Variants in CHODL observed in about 807,000 individuals in gnomAD.
CHODL encodes the protein transmembrane protein MT75.
Under a neutral mutation model 34.5 loss-of-function variants are expected in CHODL, and 29 were observed. That is an observed-to-expected ratio of 0.84 (90% CI 0.63 to 1.15). CHODL has a LOEUF of 1.15. Among genes scored for constraint, CHODL ranks in the 50% most tolerant of loss-of-function variants. The pLI, the probability that CHODL is intolerant of heterozygous loss-of-function variation, is 0.00. For synonymous variants in CHODL, 125 were observed against 116.1 expected (o/e 1.08, Z -0.49); for missense variants, 332 against 332.5 (o/e 1.00, Z 0.01).
intron 1 of CHODL, among the ~76,000 whole-genome samples, chr21:17,935,417 A>G (rs2063311269): frequency 6.6e-6 from 1 of 152,178 alleles, no homozygotes; most frequent in Non-Finnish European, 1.5e-5. Context: ...TCTTAACCAC[A>G]TATACCTTCC....
chr21:18,252,919 G>T (rs1772949383), intron 1 of CHODL, among the ~76,000 whole-genome samples: 1 of 152,056 alleles, frequency 6.6e-6, no homozygotes, highest in African/African-American at 2.4e-5. Context: ...CAGAGACACA[G>T]CCTGGCACAG....
intron 2 of CHODL, among the ~76,000 whole-genome samples, chr21:18,034,111 G>C (rs918843480): frequency 2.6e-5 from 4 of 151,920 alleles, no homozygotes; most frequent in Non-Finnish European, 1.5e-5. Flanking sequence ...TATTATGACT[G>C]TGCTTTATTC....
At chr21:18,260,341 G>C (rs781696396) in intron 4 of CHODL, 55 bp downstream of exon 4, 2 of 1,126,466 alleles carry the variant, frequency 1.8e-6, no homozygotes, top group African/African-American at 3.2e-5. Context: ...ACTTTCAAAC[G>C]CTGCTTCATG....
intron 2 of CHODL, among the ~76,000 whole-genome samples, chr21:18,138,363 T>TATTA (rs1466078620): frequency 6.6e-6 from 1 of 152,206 alleles, no homozygotes; most frequent in African/African-American, 2.4e-5. Context: ...CACTCCAGTT[T>TATTA]ATTATTTTCA....
At chr21:18,131,671 C>T (rs572342802) in intron 2 of CHODL, among the ~76,000 whole-genome samples, 2 of 152,174 alleles carry the variant, frequency 1.3e-5, no homozygotes, top group Admixed American at 1.3e-4. Context: ...ACCACAGTCC[C>T]TATATCATTC....
At chr21:17,948,599 A>T (rs2063431645) in intron 1 of CHODL, among the ~76,000 whole-genome samples, 1 of 152,128 alleles carries the variant, frequency 6.6e-6, no homozygotes, top group African/African-American at 2.4e-5. Context: ...AGAAATATAA[A>T]GGATCATAGG....
intron 1 of CHODL, among the ~76,000 whole-genome samples, chr21:17,936,046 A>T (rs1173425954): frequency 7.1e-6 from 1 of 141,684 alleles, no homozygotes; most frequent in Non-Finnish European, 1.5e-5. Flanking sequence ...GTGAAGAAAC[A>T]TGAAGCAGAG....
At chr21:18,170,156 G>A (rs780144239) in intron 2 of CHODL, among the ~76,000 whole-genome samples, 12 of 151,786 alleles carry the variant, frequency 7.9e-5, no homozygotes, top group Non-Finnish European at 1.5e-4. Context: ...CTGATGGAAC[G>A]ACTCCTTTAC....
intron 2 of CHODL, among the ~76,000 whole-genome samples, chr21:18,066,454 A>G (rs1043731498): frequency 6.6e-5 from 10 of 152,210 alleles, no homozygotes; most frequent in African/African-American, 2.4e-4. Flanking sequence ...ATAAATGGCT[A>G]GTGAGAGATC....
chr21:18,031,578 A>C (rs1211555525), intron 2 of CHODL, among the ~76,000 whole-genome samples: 1 of 152,038 alleles, frequency 6.6e-6, no homozygotes, highest in Non-Finnish European at 1.5e-5. Flanking sequence ...TGCCATTGGA[A>C]AGGGGCTTTG....
At chr21:18,234,705 A>AG (rs2074013349) in intron 2 of CHODL, among the ~76,000 whole-genome samples, 1 of 152,076 alleles carries the variant, frequency 6.6e-6, no homozygotes, top group South Asian at 2.1e-4. Context: ...GAACATAAGA[A>AG]GGGGGTAGAA....
intron 1 of CHODL, among the ~76,000 whole-genome samples, chr21:18,246,511 A>G (rs192029206): frequency 4.6e-5 from 7 of 152,298 alleles, no homozygotes; most frequent in Non-Finnish European, 8.8e-5. Flanking sequence ...GTAGTTACCG[A>G]TCACTCTACA....
intron 2 of CHODL, among the ~76,000 whole-genome samples, chr21:18,169,294 T>C (rs2073197414): frequency 6.6e-6 from 1 of 152,126 alleles, no homozygotes; most frequent in African/African-American, 2.4e-5. Context: ...AATTCATTAA[T>C]ATATAATTGT....
intron 1 of CHODL, among the ~76,000 whole-genome samples, chr21:18,252,955 G>C (rs2074275573): frequency 6.6e-6 from 1 of 152,076 alleles, no homozygotes; most frequent in Non-Finnish European, 1.5e-5. Context: ...CTATCGTCCA[G>C]GGTCTGGACA....
At chr21:17,978,294 T>G (rs894469105) in intron 1 of CHODL, among the ~76,000 whole-genome samples, 1 of 150,070 alleles carries the variant, frequency 6.7e-6, no homozygotes, top group Non-Finnish European at 1.5e-5. Context: ...TGGTGGCGCA[T>G]GCCTGTAGTC....
intron 2 of CHODL, among the ~76,000 whole-genome samples, chr21:18,221,211 G>T (rs1047091800): frequency 1.4e-4 from 21 of 151,976 alleles, no homozygotes; most frequent in Admixed American, 6.5e-4. Flanking sequence ...TTTGTTTGTT[G>T]AATTCTACAG....
chr21:18,147,650 T>G (rs935431628), intron 2 of CHODL, among the ~76,000 whole-genome samples: 13 of 152,224 alleles, frequency 8.5e-5, no homozygotes, highest in African/African-American at 3.1e-4. Context: ...GTAGCAAATA[T>G]TTTAGGCTTT....
intron 2 of CHODL, among the ~76,000 whole-genome samples, chr21:18,139,985 C>A (rs2072782122): frequency 1.3e-5 from 2 of 152,082 alleles, no homozygotes; most frequent in Non-Finnish European, 2.9e-5. Context: ...GAGTTTTTGT[C>A]CTGATCCACT....
chr21:18,064,922 T>A (rs1312467678), intron 2 of CHODL, among the ~76,000 whole-genome samples: 10 of 152,222 alleles, frequency 6.6e-5, no homozygotes, highest in African/African-American at 2.4e-4. Flanking sequence ...ACAAATGGAA[T>A]CATGGCTTCA....
Sources: allele counts gnomAD v4.1 joint callset (sites outside exome capture counted in the v4.1 genomes callset), GRCh38; gene constraint gnomAD v4.1.1; transcripts MANE v1.5; gene names NCBI Gene and HGNC (gene_info 2026-07-23, HGNC 2026-07-21).